The following GSK3B variants were observed in gnomAD, a reference collection of about 807,000 sequenced individuals.
GSK3B encodes the protein glycogen synthase kinase-3 beta.
In GSK3B, 15 loss-of-function variants were observed where a neutral mutation model predicts 56.4. The observed-to-expected ratio is 0.27, with a 90% CI of 0.18 to 0.41. The LOEUF is 0.41. Ranked by LOEUF, GSK3B falls within the 10% of genes least tolerant of loss-of-function variation. The pLI, the probability that GSK3B is intolerant of heterozygous loss-of-function variation, is 1.00. For missense variants in GSK3B, 300 were observed against 513.4 expected (o/e 0.58, Z 4.02); for synonymous variants, 181 against 188.9 (o/e 0.96, Z 0.34).
At chr3:120,082,705 A>G (rs1035536558) in intron 1 of GSK3B, among the ~76,000 whole-genome samples, 3 of 151,854 alleles carry the variant, frequency 2.0e-5, no homozygotes, top group Non-Finnish European at 4.4e-5. Flanking sequence ...CCAAATTAGT[A>G]TGTTCTTTAA....
chr3:119,944,824 T>C (rs1450253678), intron 3 of GSK3B, among the ~76,000 whole-genome samples: 1 of 152,192 alleles, frequency 6.6e-6, no homozygotes, highest in Admixed American at 6.5e-5. Flanking sequence ...TACATAATGC[T>C]TCTGCTAGAA....
At chr3:119,919,125 T>C (rs1369108138) in intron 4 of GSK3B, among the ~76,000 whole-genome samples, 1 of 152,164 alleles carries the variant, frequency 6.6e-6, no homozygotes, top group African/African-American at 2.4e-5. Context: ...TTCTGAAATA[T>C]ACTCATCAGA....
In GSK3B at chr3:119,939,055, AG is replaced by A. The variant is rs2057022564; in HGVS notation, c.366+8212del. ...GAGGTATGTGCAAGATATTCCAAGG[AG>A]AGAGAAGCTTTTGGGGCTAAAAGGG... On this transcript the variant is annotated intron_variant, in intron 3 of 10. Transcript: ENST00000264235. 2.0e-5 allele frequency among the ~76,000 whole-genome samples: 3 copies of A among 151,934 alleles called. 1 individual carries two copies. Among genetic ancestry groups the A allele is most frequent in the African/African-American group, 7.2e-5 (3 of 41,382 alleles).
In GSK3B at chr3:120,029,328, T is replaced by A. The variant is rs992072790; in HGVS notation, c.89-27089A>T. On this transcript the variant is annotated intron_variant, in intron 1 of 10. Coordinates refer to ENST00000264235, the MANE Select transcript of GSK3B (RefSeq NM_001146156.2). ...GCGGACAATGATCAGATATTTCGCA[T>A]CTAATCCAGCCTCAAAAGCCCTTTC... is the stretch of plus-strand genomic sequence containing the variant. 1.7e-5 allele frequency: 13 copies of A among 745,218 alleles called. No individual in the cohort carries two copies. In the African/African-American group the frequency reaches 2.2e-4, roughly 13 times the overall value. The allele number at this position is 745,218 out of a possible 1,614,324, so 46.2% of individuals were successfully genotyped here.
At chr3:119,846,934 C>T (rs2055863909) in intron 9 of GSK3B, among the ~76,000 whole-genome samples, 1 of 152,162 alleles carries the variant, frequency 6.6e-6, no homozygotes, top group African/African-American at 2.4e-5. Flanking sequence ...GGCCCATATA[C>T]ATCACAGAAT....
intron 7 of GSK3B, among the ~76,000 whole-genome samples, chr3:119,891,780 T>A (rs2056505126): frequency 2.0e-5 from 3 of 152,130 alleles, no homozygotes; most frequent in Admixed American, 6.6e-5. Flanking sequence ...GGGGGAATTT[T>A]AAAAATTATC....
intron 2 of GSK3B, among the ~76,000 whole-genome samples, chr3:119,980,410 T>C (rs1391652741): frequency 3.3e-5 from 5 of 152,084 alleles, no homozygotes; most frequent in Admixed American, 1.3e-4. Flanking sequence ...TGAAGTACAA[T>C]AGCACAATCT....
chr3:119,981,614 A>C (rs2057463529), intron 2 of GSK3B, among the ~76,000 whole-genome samples: 1 of 152,204 alleles, frequency 6.6e-6, no homozygotes, highest in Admixed American at 6.5e-5. Context: ...TCTGAGATCG[A>C]TCTGTCAGGC....
At chr3:119,964,567 G>C (rs894097779) in intron 2 of GSK3B, among the ~76,000 whole-genome samples, 2 of 152,118 alleles carry the variant, frequency 1.3e-5, no homozygotes, top group Non-Finnish European at 2.9e-5. Context: ...ACCTATATAA[G>C]TAGACAATAG....
chr3:119,866,529 A>C, intron 8 of GSK3B: 1 of 977,806 alleles, frequency 1.0e-6, no homozygotes, highest in Non-Finnish European at 1.6e-6. Context: ...CTCAAAGAAG[A>C]TTTCCCCCAA....
chr3:119,827,173 G>C (rs575118870), intron 10 of GSK3B, among the ~76,000 whole-genome samples: 1 of 152,268 alleles, frequency 6.6e-6, no homozygotes, highest in South Asian at 2.1e-4. Flanking sequence ...CTGGAGTCTA[G>C]TTCACTTGAA....
intron 2 of GSK3B, among the ~76,000 whole-genome samples, chr3:119,999,719 A>G (rs2057657345): frequency 6.6e-6 from 1 of 152,198 alleles, no homozygotes; most frequent in Non-Finnish European, 1.5e-5. Context: ...TACAGGAAGA[A>G]TTTGACCTGA....
intron 2 of GSK3B, among the ~76,000 whole-genome samples, chr3:119,989,788 C>T (rs1237417785): frequency 6.6e-6 from 1 of 152,146 alleles, no homozygotes; most frequent in African/African-American, 2.4e-5. Context: ...TGTTCTTACC[C>T]TGCCCAATTA....
chr3:119,859,184 TA>T lies in GSK3B; in HGVS notation c.1096+4234del, dbSNP rs3031797. ...GACACGAACGTTTTATTTGTGTATA[TA>T]AAAAAAAAAAAAAGCATTACCTGTG... On this transcript the variant is annotated intron_variant, in intron 9 of 10. Transcript: ENST00000264235. Among the ~76,000 whole-genome samples, 223 of 143,394 alleles carry T rather than the reference TA, an allele frequency of 1.6e-3. 1 individual carries two copies. Among genetic ancestry groups the T allele is most frequent in the East Asian group, 3.7e-3 (18 of 4,850 alleles). The allele number at this position is 143,394 out of a possible 152,430, so 94.1% of individuals were successfully genotyped here. A position where few individuals can be genotyped will look rare whatever the true frequency, so the allele number is the denominator to read the frequency against.
chr3:119,912,384 A>C (rs900420602), intron 6 of GSK3B, among the ~76,000 whole-genome samples: 14 of 152,132 alleles, frequency 9.2e-5, no homozygotes, highest in African/African-American at 2.9e-4. Flanking sequence ...TGTTGCAATA[A>C]TTACCAAAAT....
chr3:120,053,855 C>T (rs1188187323), intron 1 of GSK3B, among the ~76,000 whole-genome samples: 1 of 152,206 alleles, frequency 6.6e-6, no homozygotes, highest in African/African-American at 2.4e-5. Context: ...ACTTGCTCCT[C>T]CTTGCTATCC....
intron 5 of GSK3B, among the ~76,000 whole-genome samples, chr3:119,914,732 GA>G (rs2056765036): frequency 6.6e-6 from 1 of 152,016 alleles, no homozygotes; most frequent in South Asian, 2.1e-4. Context: ...GTGAGACTAA[GA>G]AAAATTAACT....
intron 2 of GSK3B, among the ~76,000 whole-genome samples, chr3:119,967,640 C>G (rs2057329517): frequency 6.6e-6 from 1 of 152,114 alleles, no homozygotes; most frequent in South Asian, 2.1e-4. Flanking sequence ...AATTCTATAA[C>G]AAAAGAATAG....
chr3:119,892,591 C>T, intron 7 of GSK3B, among the ~76,000 whole-genome samples: 1 of 152,126 alleles, frequency 6.6e-6, no homozygotes, highest in East Asian at 1.9e-4. Flanking sequence ...GTCTCTGAAG[C>T]CCCTGAAGGC....
Sources: gnomAD v4.1 joint callset for allele counts (sites outside exome capture counted in the v4.1 genomes callset) on GRCh38, gnomAD v4.1.1 for gene constraint, MANE v1.5 for transcripts, NCBI Gene and HGNC (gene_info 2026-07-23, HGNC 2026-07-21) for gene names.